Variants in PCDH11X observed in about 807,000 individuals in gnomAD.
PCDH11X encodes protocadherin-11 X-linked.
A neutral mutation model predicts 53.3 loss-of-function variants in PCDH11X; 18 were observed. The observed-to-expected ratio is 0.34, with a 90% CI of 0.23 to 0.50. The LOEUF (loss-of-function observed/expected upper bound fraction) is 0.50, where lower values mean the gene tolerates loss of function less well. Ranked by LOEUF, PCDH11X falls within the 20% of genes least tolerant of loss-of-function variation. The pLI is 0.98. For missense variants in PCDH11X, 570 were observed against 1,032.4 expected, an observed-to-expected ratio of 0.55 and a Z score of 6.14; for synonymous variants, 279 against 393.3, an observed-to-expected ratio of 0.71 and a Z score of 3.44.
At chrX:92,201,275 A>T in intron 6 of PCDH11X, 100 bp from the exon 7 acceptor site, 1 of 1,064,629 alleles carries the variant, frequency 9.4e-7, no homozygotes, top group South Asian at 2.4e-5. Context: ...CTACCCAGGC[A>T]CTATTTTAGC....
intron 8 of PCDH11X, among the ~76,000 whole-genome samples, chrX:92,331,368 C>T (rs1480491435): frequency 8.6e-5 from 5 of 58,077 alleles, no homozygotes; most frequent in Non-Finnish European, 1.1e-4. Context: ...TCCTCCTCCT[C>T]CTTTTCCTCC....
At chrX:92,610,152 T>C (rs1225683515) in intron 10 of PCDH11X, among the ~76,000 whole-genome samples, 1 of 111,870 alleles carries the variant, frequency 8.9e-6, no homozygotes, top group Non-Finnish European at 1.9e-5. Flanking sequence ...TTCTGTTTTT[T>C]GTTCTTTGAG....
At chrX:91,957,466 T>A (rs745666693) in intron 6 of PCDH11X, among the ~76,000 whole-genome samples, 1 of 110,382 alleles carries the variant, frequency 9.1e-6, no homozygotes, top group East Asian at 2.8e-4. Context: ...TTGATGTTGT[T>A]GTTTTCTGTT....
At chrX:92,081,396 G>C (rs1184004440) in intron 6 of PCDH11X, among the ~76,000 whole-genome samples, 1 of 109,835 alleles carries the variant, frequency 9.1e-6, no homozygotes, top group Admixed American at 9.9e-5. Context: ...TCCCTCCCCA[G>C]AACACATTTT....
At chrX:92,332,020 C>T (rs1308849576) in intron 8 of PCDH11X, among the ~76,000 whole-genome samples, 1 of 111,509 alleles carries the variant, frequency 9.0e-6, no homozygotes, top group African/African-American at 3.3e-5. Context: ...ATCTGGCACA[C>T]ATTAATTATA....
At chrX:91,898,853 C>A (rs2097928143) in intron 6 of PCDH11X, among the ~76,000 whole-genome samples, 1 of 110,210 alleles carries the variant, frequency 9.1e-6, no homozygotes, top group Non-Finnish European at 1.9e-5. Context: ...TTTAGCTTTC[C>A]TATCTAATAT....
At position 91,836,499 on chromosome X, in the gene PCDH11X, G is replaced by A. The variant is rs544468238; in HGVS notation, c.540+455G>A. 6.7e-4 allele frequency among the ~76,000 whole-genome samples: 72 copies of A among 107,958 alleles called. No individual in the cohort carries two copies. The South Asian group carries it at 0.029, about 43-fold the overall frequency. 93.7% of individuals were successfully genotyped at this position (107,958 alleles called of 115,157 possible). A position where few individuals can be genotyped will look rare whatever the true frequency, so the allele number is the denominator to read the frequency against. ...TGGTGCCAAATAAATCTATTTGAGAGGTGACTAGAACAATTTAATTTATTA... is the reference window on the plus strand; with the variant it reads ...TGGTGCCAAATAAATCTATTTGAGAAGTGACTAGAACAATTTAATTTATTA... On this transcript the variant is annotated intron_variant, in intron 5 of 10. Coordinates refer to ENST00000682573, the MANE Select transcript of PCDH11X (RefSeq NM_032968.5).
intron 6 of PCDH11X, among the ~76,000 whole-genome samples, chrX:91,918,143 G>A (rs1182319700): frequency 3.7e-5 from 4 of 107,925 alleles, no homozygotes; most frequent in Non-Finnish European, 5.8e-5. Context: ...TAACTTAGAA[G>A]CCTAAAACTA....
chrX:92,167,153 A>G (rs762166423), intron 6 of PCDH11X, among the ~76,000 whole-genome samples: 4 of 110,851 alleles, frequency 3.6e-5, no homozygotes, highest in African/African-American at 1.3e-4. Context: ...ACTGAATATG[A>G]AGTACTATAT....
intron 6 of PCDH11X, among the ~76,000 whole-genome samples, chrX:92,195,718 A>G (rs917612930): frequency 2.7e-5 from 3 of 111,966 alleles, no homozygotes; most frequent in African/African-American, 9.7e-5. Flanking sequence ...CATTCCATCC[A>G]TAGCTATCAA....
chrX:92,249,265 T>C (rs761004213), intron 7 of PCDH11X, among the ~76,000 whole-genome samples: 1 of 111,537 alleles, frequency 9.0e-6, no homozygotes, highest in African/African-American at 3.3e-5. Flanking sequence ...TCGTAATCAC[T>C]TTATTGGTTT....
intron 10 of PCDH11X, among the ~76,000 whole-genome samples, chrX:92,472,638 T>A (rs763670171): frequency 1.8e-5 from 2 of 110,391 alleles, no homozygotes; most frequent in Non-Finnish European, 3.8e-5. Flanking sequence ...AATATTTTTT[T>A]AAAAATTTAT....
At chrX:92,272,863 C>T (rs1954195183) in intron 8 of PCDH11X, among the ~76,000 whole-genome samples, 1 of 112,170 alleles carries the variant, frequency 8.9e-6, no homozygotes, top group Non-Finnish European at 1.9e-5. Flanking sequence ...ACTAAAAATT[C>T]CATTTGATAC....
chrX:92,196,208 C>T (rs1241718622), intron 6 of PCDH11X, among the ~76,000 whole-genome samples: 1 of 111,722 alleles, frequency 9.0e-6, no homozygotes, highest in African/African-American at 3.2e-5. Flanking sequence ...TTGTCTCCAC[C>T]TAAAAAAATT....
At chrX:92,595,418 G>A (rs1305196590) in intron 10 of PCDH11X, among the ~76,000 whole-genome samples, 2 of 108,833 alleles carry the variant, frequency 1.8e-5, no homozygotes, top group African/African-American at 3.3e-5. Flanking sequence ...CCAGCAATGC[G>A]AATTTAAAAA....
chrX:92,569,921 C>T (rs779380541), intron 10 of PCDH11X: 176 of 102,770 alleles, frequency 1.7e-3, no homozygotes, highest in Non-Finnish European at 2.5e-3. Context: ...GAGGCTGAGG[C>T]AGGAGAATCG....
intron 10 of PCDH11X, among the ~76,000 whole-genome samples, chrX:92,617,969 G>T (rs9969925): frequency 2.4e-4 from 27 of 111,002 alleles, no homozygotes; most frequent in African/African-American, 8.5e-4. Context: ...TGCATGTATA[G>T]ATGAATGATC....
Position 92,142,485 on chromosome X carries a change from A to G in PCDH11X, c.3034-58890A>G, listed in dbSNP as rs111605679. ...TCTGCCGGCCTCAGCCTTCCAAAGT[A>G]CTGGGATTACAGGCATGAGCCACTG... On this transcript the variant is annotated intron_variant, in intron 6 of 10. Coordinates refer to ENST00000682573, the MANE Select transcript of PCDH11X (RefSeq NM_032968.5). Among the ~76,000 whole-genome samples the G allele has an allele frequency of 4.2e-3, 467 of 110,033 alleles. 6 individuals are homozygous for G. The highest frequency in any genetic ancestry group is 0.015 in the African/African-American group (452 of 30,225).
intron 4 of PCDH11X, among the ~76,000 whole-genome samples, chrX:91,824,986 C>G (rs1176918060): frequency 9.1e-6 from 1 of 110,053 alleles, no homozygotes; most frequent in East Asian, 2.9e-4. Flanking sequence ...TTAGGCTGCT[C>G]GGGGGTCAGG....
Sources: gnomAD v4.1 joint callset for allele counts (sites outside exome capture counted in the v4.1 genomes callset) on GRCh38, gnomAD v4.1.1 for gene constraint, MANE v1.5 for transcripts, NCBI Gene and HGNC (gene_info 2026-07-23, HGNC 2026-07-21) for gene names.